The following MACROD2 variants were observed in gnomAD, a reference collection of about 807,000 sequenced individuals.
MACROD2 encodes ADP-ribose glycohydrolase MACROD2.
In MACROD2, 36 loss-of-function variants were observed where a neutral mutation model predicts 70.4. The observed-to-expected ratio is 0.51, with a 90% confidence interval of 0.39 to 0.68. The LOEUF (loss-of-function observed/expected upper bound fraction) is 0.68, where lower values mean the gene tolerates loss of function less well. MACROD2 is among the 30% of genes least tolerant of loss of function. MACROD2 has a pLI of 0.00. For missense variants in MACROD2, 496 were observed against 538.4 expected (o/e 0.92, Z 0.78); for synonymous variants, 172 against 178.8 (o/e 0.96, Z 0.30).
At chr20:14,774,287 C>T (rs1258489814) in intron 5 of MACROD2, among the ~76,000 whole-genome samples, 1 of 151,972 alleles carries the variant, frequency 6.6e-6, no homozygotes, top group Non-Finnish European at 1.5e-5. Context: ...CTCAACAGTA[C>T]TTTATAACCT....
intron 5 of MACROD2, among the ~76,000 whole-genome samples, chr20:15,023,405 A>T (rs957597370): frequency 6.6e-6 from 1 of 152,122 alleles, no homozygotes; most frequent in Non-Finnish European, 1.5e-5. Context: ...GCTCTTAAAT[A>T]TGTCTTCCCA....
At chr20:15,372,295 A>G (rs568592760) in intron 6 of MACROD2, among the ~76,000 whole-genome samples, 2 of 152,358 alleles carry the variant, frequency 1.3e-5, no homozygotes, top group African/African-American at 2.4e-5. Flanking sequence ...GTAAAATCCA[A>G]GTTATCATCC....
intron 3 of MACROD2, among the ~76,000 whole-genome samples, chr20:14,152,149 T>C (rs2055033415): frequency 1.3e-5 from 2 of 152,174 alleles, no homozygotes; most frequent in African/African-American, 4.8e-5. Context: ...CACTCATTTT[T>C]AAGTCATTAA....
chr20:14,700,668 C>T (rs928043615), intron 5 of MACROD2, among the ~76,000 whole-genome samples: 18 of 151,898 alleles, frequency 1.2e-4, no homozygotes, highest in African/African-American at 4.1e-4. Context: ...GTATAAAATC[C>T]ATTTAAACAG....
intron 6 of MACROD2, among the ~76,000 whole-genome samples, chr20:15,232,931 A>T (rs1177507895): frequency 6.6e-6 from 1 of 152,108 alleles, no homozygotes; most frequent in Non-Finnish European, 1.5e-5. Context: ...ATGATAATTT[A>T]TTTAATAAAT....
At chr20:15,278,600 GATCCA>G in intron 6 of MACROD2, among the ~76,000 whole-genome samples, 1 of 152,234 alleles carries the variant, frequency 6.6e-6, no homozygotes. Context: ...TAGCAATGGA[GATCCA>G]TTATCTCACC....
At chr20:14,448,800 C>A (rs746362310) in intron 3 of MACROD2, among the ~76,000 whole-genome samples, 1 of 152,008 alleles carries the variant, frequency 6.6e-6, no homozygotes, top group Non-Finnish European at 1.5e-5. Flanking sequence ...GCTTGTTATA[C>A]GGAATGTATT....
At chr20:15,904,673 A>G (rs1324363369) in intron 10 of MACROD2, among the ~76,000 whole-genome samples, 1 of 151,986 alleles carries the variant, frequency 6.6e-6, no homozygotes, top group Non-Finnish European at 1.5e-5. Context: ...TGGCCAGATC[A>G]CGAGGTCAGG....
chr20:15,614,182 T>A (rs1318532861), intron 8 of MACROD2, among the ~76,000 whole-genome samples: 2 of 152,188 alleles, frequency 1.3e-5, no homozygotes, highest in Non-Finnish European at 2.9e-5. Flanking sequence ...AAAATGAATG[T>A]AAAGCACCTA....
At chr20:16,047,769 A>G (rs1001360104) in intron 17 of MACROD2, among the ~76,000 whole-genome samples, 2 of 152,202 alleles carry the variant, frequency 1.3e-5, no homozygotes, top group African/African-American at 4.8e-5. Context: ...ATAAGCCACT[A>G]AATTTGGGGC....
chr20:15,613,580 G>T (rs1471713093), intron 8 of MACROD2, among the ~76,000 whole-genome samples: 1 of 152,186 alleles, frequency 6.6e-6, no homozygotes, highest in Non-Finnish European at 1.5e-5. Context: ...AGAATTTTAA[G>T]ATATCATCCC....
At chr20:14,854,364 T>G (rs974964494) in intron 5 of MACROD2, among the ~76,000 whole-genome samples, 1 of 152,206 alleles carries the variant, frequency 6.6e-6, no homozygotes, top group Non-Finnish European at 1.5e-5. Flanking sequence ...GTTAATTATA[T>G]AGCTTTGTAA....
intron 4 of MACROD2, among the ~76,000 whole-genome samples, chr20:14,657,699 C>T (rs956187017): frequency 2.6e-5 from 4 of 152,102 alleles, no homozygotes; most frequent in African/African-American, 9.7e-5. Context: ...ATATGAAAAG[C>T]CTCTTTGAGA....
intron 4 of MACROD2, among the ~76,000 whole-genome samples, chr20:14,513,397 C>A (rs412872): frequency 0.18 from 27,488 of 151,992 alleles, 2,768 homozygotes; most frequent in South Asian, 0.36. Flanking sequence ...TAATAAAACC[C>A]TAAAGCACTG....
intron 6 of MACROD2, among the ~76,000 whole-genome samples, chr20:15,262,973 T>C (rs1005482886): frequency 6.6e-6 from 1 of 152,168 alleles, no homozygotes; most frequent in Non-Finnish European, 1.5e-5. Flanking sequence ...GCAAATATTC[T>C]CTCCGATTCT....
At chr20:15,198,248 C>CG (rs2076624097) in intron 5 of MACROD2, among the ~76,000 whole-genome samples, 1 of 152,090 alleles carries the variant, frequency 6.6e-6, no homozygotes, top group Non-Finnish European at 1.5e-5. Flanking sequence ...CATGAGCCAA[C>CG]GCACCCAGCC....
intron 5 of MACROD2, among the ~76,000 whole-genome samples, chr20:15,076,360 T>C (rs2075658166): frequency 6.6e-6 from 1 of 152,176 alleles, no homozygotes; most frequent in Non-Finnish European, 1.5e-5. Flanking sequence ...AATAAAACAT[T>C]GTCTGAATCT....
intron 3 of MACROD2, among the ~76,000 whole-genome samples, chr20:14,239,525 C>T (rs1023308308): frequency 2.0e-5 from 3 of 152,142 alleles, no homozygotes; most frequent in African/African-American, 7.2e-5. Context: ...GACACACAGA[C>T]AAATGGAGCA....
chr20:14,090,865 C>T (rs1442628755), intron 3 of MACROD2, among the ~76,000 whole-genome samples: 1 of 152,164 alleles, frequency 6.6e-6, no homozygotes, highest in Non-Finnish European at 1.5e-5. Flanking sequence ...ACGTTCCCAA[C>T]AGTGTGCGGG....
Sources: allele counts gnomAD v4.1 joint callset (sites outside exome capture counted in the v4.1 genomes callset), GRCh38; gene constraint gnomAD v4.1.1; transcripts MANE v1.5; gene names NCBI Gene and HGNC (gene_info 2026-07-23, HGNC 2026-07-21).